RFX3: variants seen among roughly 807,000 people sequenced by gnomAD.
The protein encoded by RFX3 is regulatory factor X3, also known as transcription factor RFX3.
Under a neutral mutation model 98.6 loss-of-function variants are expected in RFX3, and 14 were observed. The ratio of observed to expected loss-of-function variants is 0.14; its 90% CI spans 0.09 to 0.22. The LOEUF is 0.22. Among genes scored for constraint, RFX3 ranks in the 10% least tolerant of loss-of-function variants. RFX3 has a pLI of 1.00. For synonymous variants in RFX3, 383 were observed against 328.4 expected (o/e 1.17, Z -1.80); for missense variants, 639 against 926.9 (o/e 0.69, Z 4.03).
chr9:3,287,173 A>G (rs1395999404), intron 7 of RFX3, among the ~76,000 whole-genome samples: 4 of 151,864 alleles, frequency 2.6e-5, no homozygotes, highest in African/African-American at 9.7e-5. Context: ...ACTGTGTGAT[A>G]TATTCTTTTC....
At chr9:3,276,992 A>C (rs964230225) in intron 8 of RFX3, among the ~76,000 whole-genome samples, 2 of 152,186 alleles carry the variant, frequency 1.3e-5, no homozygotes, top group Non-Finnish European at 2.9e-5. Context: ...AACTTTATAC[A>C]TAGGAAATGA....
rs547006837 is a variant in RFX3 at position 3,248,119 on chromosome 9, A to C, written c.1881T>G (p.Arg627=). 6.2e-7 allele frequency: 1 copy of C among 1,613,806 alleles called. No individual in the cohort carries two copies. The highest frequency in any genetic ancestry group is 8.5e-7 in the Non-Finnish European group (1 of 1,179,906). Residue 627 remains arginine, a synonymous_variant, in exon 15 of 17, where the codon CGT becomes CGG. Coordinates refer to ENST00000617270, the MANE Select transcript of RFX3 (RefSeq NM_001282116.2). ...AASFGSFHLI[R]LLYDEYMFYL... is the part of the protein sequence containing the mutation. ...AAAACATATATTCGTCGTAGAGTAG[A>C]CGGATCAGGTGGAAGGAGCCAAAGC...
At chr9:3,357,795 A>C (rs894614362) in intron 2 of RFX3, among the ~76,000 whole-genome samples, 1 of 152,118 alleles carries the variant, frequency 6.6e-6, no homozygotes, top group Admixed American at 6.6e-5. Context: ...GGATATCCCA[A>C]CTACACTGAC....
At chr9:3,327,578 C>T (rs1832066437) in intron 4 of RFX3, among the ~76,000 whole-genome samples, 1 of 150,818 alleles carries the variant, frequency 6.6e-6, no homozygotes, top group Non-Finnish European at 1.5e-5. Flanking sequence ...TTTTATACTC[C>T]TTTTGTTAAA....
chr9:3,232,038 ACAAGCAAGCAAG>A (rs66952089), intron 15 of RFX3, among the ~76,000 whole-genome samples: 1 of 62,896 alleles, frequency 1.6e-5, no homozygotes, highest in Non-Finnish European at 3.2e-5. Context: ...TGTCTCAAAA[ACAAGCAAGCAAG>A]CAAGCAAGCA....
At chr9:3,332,632 A>T (rs954676320) in intron 3 of RFX3, among the ~76,000 whole-genome samples, 2 of 152,156 alleles carry the variant, frequency 1.3e-5, no homozygotes, top group Non-Finnish European at 2.9e-5. Flanking sequence ...CCTTTCCATG[A>T]TTCTCTCTTG....
chr9:3,219,297 C>T lies in RFX3; in HGVS notation c.*5745G>A, dbSNP rs1191940077. 1 of 152,008 alleles carries T rather than the reference C, an allele frequency of 6.6e-6. No homozygotes were observed. Among genetic ancestry groups the T allele is most frequent in the Non-Finnish European group, 1.5e-5 (1 of 67,972 alleles). 9.4% of individuals were successfully genotyped at this position (152,008 alleles called of 1,614,324 possible). The stretch of plus-strand genomic sequence containing the variant: ...CTGAAGGAAAAATTTACTTGGTTAT[C>T]AACAGTCAATGGGAGTTTTTATATT... On this transcript the variant is annotated 3_prime_UTR_variant, in exon 17 of 17. Coordinates refer to ENST00000617270, the MANE Select transcript of RFX3 (RefSeq NM_001282116.2).
chr9:3,465,666 A>G (rs191007676), intron 1 of RFX3, among the ~76,000 whole-genome samples: 1 of 152,224 alleles, frequency 6.6e-6, no homozygotes, highest in East Asian at 1.9e-4. Flanking sequence ...AACTACAAAA[A>G]TCAAAGCTAT....
At chr9:3,405,990 T>A (rs754290536) in intron 1 of RFX3, among the ~76,000 whole-genome samples, 1 of 152,158 alleles carries the variant, frequency 6.6e-6, no homozygotes, top group Non-Finnish European at 1.5e-5. Flanking sequence ...GGTCTCACTC[T>A]GTTGCCCAGG....
intron 4 of RFX3, among the ~76,000 whole-genome samples, chr9:3,307,382 C>G (rs894341299): frequency 6.6e-6 from 1 of 152,028 alleles, no homozygotes; most frequent in African/African-American, 2.4e-5. Flanking sequence ...AATCTGACAT[C>G]ACTTCATATA....
In RFX3 at chr9:3,287,364, T is replaced by C. The variant is rs530635395; in HGVS notation, c.851+767A>G. Among the ~76,000 whole-genome samples, 4 of 152,032 alleles carry C rather than the reference T, an allele frequency of 2.6e-5. No homozygotes were observed. The East Asian group carries it at 5.8e-4, about 22-fold the overall frequency. ...CATAACTTCTGTCTTGGTTGAGCTATGCTGGTAAAGAGGAAAGGATTTTTT... is the reference window on the plus strand; with the variant it reads ...CATAACTTCTGTCTTGGTTGAGCTACGCTGGTAAAGAGGAAAGGATTTTTT... On this transcript the variant is annotated intron_variant, in intron 7 of 16. Transcript: ENST00000617270.
chr9:3,316,811 G>A (rs1830657545), intron 4 of RFX3, among the ~76,000 whole-genome samples: 1 of 152,090 alleles, frequency 6.6e-6, no homozygotes, highest in Admixed American at 6.5e-5. Context: ...CAACTTATAA[G>A]GGATGTGAAG....
intron 1 of RFX3, among the ~76,000 whole-genome samples, chr9:3,420,518 G>C (rs1203895594): frequency 6.6e-6 from 1 of 152,124 alleles, no homozygotes; most frequent in Admixed American, 6.5e-5. Flanking sequence ...ATTAATAACT[G>C]TATTTTGCAC....
intron 1 of RFX3, among the ~76,000 whole-genome samples, chr9:3,397,192 G>A (rs1017933680): frequency 5.9e-5 from 9 of 152,146 alleles, no homozygotes; most frequent in African/African-American, 2.2e-4. Flanking sequence ...GCTTTCTCCG[G>A]CTTCCTGGCC....
chr9:3,262,570 A>G (rs540631622), intron 13 of RFX3, among the ~76,000 whole-genome samples: 1 of 152,208 alleles, frequency 6.6e-6, no homozygotes, highest in Non-Finnish European at 1.5e-5. Context: ...TAAGGTGGGG[A>G]AAGTGAAGCC....
At chr9:3,448,758 G>T (rs1200078512) in intron 1 of RFX3, among the ~76,000 whole-genome samples, 3 of 152,168 alleles carry the variant, frequency 2.0e-5, no homozygotes, top group Non-Finnish European at 4.4e-5. Flanking sequence ...GGCCTCAAGT[G>T]ATCTTTCCAC....
At chr9:3,248,260 A>C (rs1225080058) in intron 14 of RFX3, 75 bp from the exon 15 acceptor site, 7 of 1,461,952 alleles carry the variant, frequency 4.8e-6, no homozygotes, top group Non-Finnish European at 4.5e-6. Context: ...TTTTCCTCTT[A>C]AAAAAAAGTC....
chr9:3,369,995 AT>A (rs71324244), intron 2 of RFX3, among the ~76,000 whole-genome samples: 3,269 of 132,572 alleles, frequency 0.025, 91 homozygotes, highest in African/African-American at 0.085. Flanking sequence ...CGCCCGGCTA[AT>A]TTTTTTTTTT....
chr9:3,406,822 T>A (rs1842017011), intron 1 of RFX3, among the ~76,000 whole-genome samples: 1 of 152,230 alleles, frequency 6.6e-6, no homozygotes, highest in Non-Finnish European at 1.5e-5. Flanking sequence ...AATGGAATTT[T>A]ATAACAACTC....
Sources: gnomAD v4.1 joint callset for allele counts (sites outside exome capture counted in the v4.1 genomes callset) on GRCh38, gnomAD v4.1.1 for gene constraint, MANE v1.5 for transcripts, NCBI Gene and HGNC (gene_info 2026-07-23, HGNC 2026-07-21) for gene names.